Variants in SLC7A5 observed in about 807,000 individuals in gnomAD.
SLC7A5 encodes large neutral amino acids transporter small subunit 1.
Under a neutral mutation model 50.2 loss-of-function variants are expected in SLC7A5, and 23 were observed. That is an observed-to-expected ratio of 0.46 (90% CI 0.33 to 0.65). The LOEUF (loss-of-function observed/expected upper bound fraction) is 0.65. Among genes scored for constraint, SLC7A5 ranks in the 30% least tolerant of loss-of-function variants. The pLI, the probability that SLC7A5 is intolerant of heterozygous loss-of-function variation, is 0.02. For synonymous variants in SLC7A5, 393 were observed against 330.6 expected, an observed-to-expected ratio of 1.19 and a Z score of -2.05; for missense variants, 578 against 684.4, an observed-to-expected ratio of 0.84 and a Z score of 1.73.
In SLC7A5 at chr16:87,853,931, TA is replaced by T. The variant is rs1298633856; in HGVS notation, c.539-2083del. 1 of 150,556 alleles carries T rather than the reference TA, an allele frequency of 6.6e-6. No individual in the cohort carries two copies. Among genetic ancestry groups the T allele is most frequent in the African/African-American group, 2.5e-5 (1 of 39,744 alleles). 9.3% of individuals were successfully genotyped at this position (150,556 alleles called of 1,614,324 possible). ...TCACGTCTGCGGCTGTCACGTCTGC[TA>T]GGGGGTTGGGGGGTCCAGGAAGGGC... On this transcript the variant is annotated intron_variant, in intron 1 of 9. Coordinates refer to ENST00000261622, the MANE Select transcript of SLC7A5 (RefSeq NM_003486.7). This position sits in a 1 kb window ranked among gnomAD's most constrained non-coding sequence, Gnocchi z 4.4.
At chr16:87,868,753 T>C in intron 1 of SLC7A5, 132 bp downstream of exon 1, 1 of 949,916 alleles carries the variant, frequency 1.1e-6, no homozygotes, top group Non-Finnish European at 1.6e-6. Context: ...CCAATGACCT[T>C]AGCCTAGAAC....
At position 87,868,774 on chromosome 16, in the gene SLC7A5, G is replaced by C. The variant is rs1348314072; in HGVS notation, c.538+111C>G. The C allele has an allele frequency of 1.0e-5, 12 of 1,166,016 alleles. No individual in the cohort carries two copies. In the African/African-American group the frequency reaches 1.2e-4, roughly 12 times the overall value. The allele number at this position is 1,166,016 out of a possible 1,614,324, so 72.2% of individuals were successfully genotyped here. A position where few individuals can be genotyped will look rare whatever the true frequency, so the allele number is the denominator to read the frequency against. ...ACCTTAGCCTAGAACTGCCGGGATG[G>C]TCCAGGAACGTAAAGATGTAGAGAT... is the stretch of plus-strand genomic sequence containing the variant. On this transcript the variant is annotated intron_variant, in intron 1 of 9. Transcript: ENST00000261622.
chr16:87,831,023 T>C lies in SLC7A5; in HGVS notation c.*1947A>G, dbSNP rs1025585170. 5.3e-5 allele frequency: 8 copies of C among 152,144 alleles called. No homozygotes were observed. The highest frequency in any genetic ancestry group is 1.0e-4 in the Non-Finnish European group (7 of 68,020). 9.4% of individuals were successfully genotyped at this position (152,144 alleles called of 1,614,324 possible). On this transcript the variant is annotated 3_prime_UTR_variant, in exon 10 of 10. Coordinates refer to ENST00000261622, the MANE Select transcript of SLC7A5 (RefSeq NM_003486.7). ...AGCACTTCTCCTGGACCCGGGGCCG[T>C]GGCTGCCTACGATGTCCACTGCCTC...
chr16:87,835,972 T>G (rs1257933620), intron 8 of SLC7A5, among the ~76,000 whole-genome samples: 2 of 152,198 alleles, frequency 1.3e-5, no homozygotes, highest in Non-Finnish European at 2.9e-5. Flanking sequence ...CGGGACTTGC[T>G]GGGCCCCAGG....
At chr16:87,849,093 A>G (rs1386810600) in intron 2 of SLC7A5, among the ~76,000 whole-genome samples, 1 of 152,240 alleles carries the variant, frequency 6.6e-6, no homozygotes, top group Non-Finnish European at 1.5e-5. Flanking sequence ...TTTTCGCTGC[A>G]TTCTCCAGAC....
At chr16:87,844,702 A>G (rs551190554) in intron 2 of SLC7A5, among the ~76,000 whole-genome samples, 1 of 152,344 alleles carries the variant, frequency 6.6e-6, no homozygotes, top group South Asian at 2.1e-4. Context: ...CTCAGGGCTG[A>G]CGGGCCCCTG....
chr16:87,845,389 C>G (rs2055138846), intron 2 of SLC7A5, among the ~76,000 whole-genome samples: 1 of 150,652 alleles, frequency 6.6e-6, no homozygotes, highest in Non-Finnish European at 1.5e-5. Context: ...TGGGTTCAGT[C>G]CAGAGCCCAG....
chr16:87,839,894 G>T, intron 4 of SLC7A5, 69 bp from the exon 5 acceptor site: 1 of 1,604,960 alleles, frequency 6.2e-7, no homozygotes, highest in Non-Finnish European at 8.5e-7. Flanking sequence ...GTGCCCAGGA[G>T]CCAGGTGGGC....
intron 2 of SLC7A5, among the ~76,000 whole-genome samples, chr16:87,846,836 G>A (rs1198720695): frequency 6.6e-6 from 1 of 152,356 alleles, no homozygotes; most frequent in African/African-American, 2.4e-5. Context: ...GAGGAAAAGG[G>A]GCTGTTGGAC....
intron 2 of SLC7A5, among the ~76,000 whole-genome samples, chr16:87,842,869 G>GCCAAGACACC (rs71391359): frequency 1.3e-5 from 2 of 151,944 alleles, no homozygotes; most frequent in South Asian, 2.1e-4. Flanking sequence ...CAGCACCTCG[G>GCCAAGACACC]CACAGCCCCT....
chr16:87,863,206 CCCT>C (rs1490719888), intron 1 of SLC7A5, among the ~76,000 whole-genome samples: 2 of 152,208 alleles, frequency 1.3e-5, no homozygotes, highest in Non-Finnish European at 2.9e-5. Flanking sequence ...GCCCATCGGG[CCCT>C]TCTTCTGAGA....
rs988591530 is a variant in SLC7A5 at position 87,853,382 on chromosome 16, T to A, written c.539-1533A>T. Among the ~76,000 whole-genome samples the A allele has an allele frequency of 2.6e-5, 4 of 152,222 alleles. No homozygotes were observed. The highest frequency in any genetic ancestry group is 5.9e-5 in the Non-Finnish European group (4 of 68,036). ...ACGGCTACTACACACCAGGAAAGTC[T>A]GGTTGAAAAATGTCTGAAAGTCAGT... is the stretch of plus-strand genomic sequence containing the variant. On this transcript the variant is annotated intron_variant, in intron 1 of 9. Transcript: ENST00000261622. This position sits in a 1 kb window ranked among gnomAD's most constrained non-coding sequence, Gnocchi z 4.4.
Position 87,843,347 on chromosome 16 carries a change from C to CTTTT in SLC7A5, c.665-2196_665-2193dup, listed in dbSNP as rs60307560. On this transcript the variant is annotated intron_variant, in intron 2 of 9. Coordinates refer to ENST00000261622, the MANE Select transcript of SLC7A5 (RefSeq NM_003486.7). ...ATTGGCAGCCCTAAGGCCTGAGTAA[C>CTTTT]TTTTTTTTTTTTTTTTTTTTTTTTT... 8.2e-4 allele frequency among the ~76,000 whole-genome samples: 52 copies of CTTTT among 63,322 alleles called. 4 individuals are homozygous for CTTTT. Among genetic ancestry groups the CTTTT allele is most frequent in the Non-Finnish European group, 1.3e-3 (46 of 35,854 alleles). 41.5% of individuals were successfully genotyped at this position (63,322 alleles called of 152,430 possible).
intron 1 of SLC7A5, among the ~76,000 whole-genome samples, chr16:87,858,984 G>A (rs1252265004): frequency 1.3e-5 from 2 of 152,236 alleles, no homozygotes; most frequent in African/African-American, 4.8e-5. Context: ...CCATCTCAGG[G>A]CTTGCACCGG....
chr16:87,846,242 G>C (rs1239585781), intron 2 of SLC7A5, among the ~76,000 whole-genome samples: 1 of 152,212 alleles, frequency 6.6e-6, no homozygotes, highest in Non-Finnish European at 1.5e-5. Context: ...GACTGTCTGA[G>C]ATGCCTCACA....
At chr16:87,836,466 G>A in intron 8 of SLC7A5, 32 bp downstream of exon 8, 1 of 1,604,494 alleles carries the variant, frequency 6.2e-7, no homozygotes, top group East Asian at 2.2e-5. Context: ...TCTGTGAAGG[G>A]TGCCTGGGTG....
rs1258874868 is a variant in SLC7A5 at position 87,852,164 on chromosome 16, T to A, written c.539-315A>T. Among the ~76,000 whole-genome samples the A allele has an allele frequency of 6.6e-6, 1 of 151,918 alleles. No individual in the cohort carries two copies. The highest frequency in any genetic ancestry group is 1.5e-5 in the Non-Finnish European group (1 of 67,962). Reference sequence around the variant, plus strand: ...CCTGTAGTCAGGACTTCAAGTGGGGTCACTGCCTCCAGAGACCCAGGTGAG... The same window carrying A: ...CCTGTAGTCAGGACTTCAAGTGGGGACACTGCCTCCAGAGACCCAGGTGAG... On this transcript the variant is annotated intron_variant, in intron 1 of 9. Transcript: ENST00000261622. The surrounding 1 kb of genome is among the most constrained non-coding windows in gnomAD (Gnocchi z 4.5).
chr16:87,848,116 TGTGGACAGAGTGAAAG>T (rs2055176324), intron 2 of SLC7A5, among the ~76,000 whole-genome samples: 1 of 142,020 alleles, frequency 7.0e-6, no homozygotes, highest in Non-Finnish European at 1.5e-5. Flanking sequence ...CTTTCCTTTT[TGTGGACAGAGTGAAAG>T]GGCAAATTTG....
chr16:87,852,628 C>T lies in SLC7A5; in HGVS notation c.539-779G>A, dbSNP rs1241001583. ...CTCCTGGGCCCTGTAAGGCACCCAG[C>T]TCTGAGCCTCTGTGTGTGTGTGTGT... On this transcript the variant is annotated intron_variant, in intron 1 of 9. Coordinates refer to ENST00000261622, the MANE Select transcript of SLC7A5 (RefSeq NM_003486.7). This position sits in a 1 kb window ranked among gnomAD's most constrained non-coding sequence, Gnocchi z 4.5. Among the ~76,000 whole-genome samples the T allele has an allele frequency of 7.2e-6, 1 of 138,534 alleles. No individual in the cohort carries two copies. Among genetic ancestry groups the T allele is most frequent in the Admixed American group, 7.8e-5 (1 of 12,890 alleles). 90.9% of individuals were successfully genotyped at this position (138,534 alleles called of 152,430 possible).
Sources: allele counts gnomAD v4.1 joint callset (sites outside exome capture counted in the v4.1 genomes callset), GRCh38; gene constraint gnomAD v4.1.1; non-coding constraint Gnocchi (gnomAD v3.1); transcripts MANE v1.5; gene names NCBI Gene and HGNC (gene_info 2026-07-23, HGNC 2026-07-21).